The following PPA2 variants were observed in gnomAD, a reference collection of about 807,000 sequenced individuals.
PPA2 encodes the protein inorganic pyrophosphatase 2, also known as inorganic pyrophosphatase 2, mitochondrial.
Under a neutral mutation model 49.5 loss-of-function variants are expected in PPA2, and 48 were observed. The observed-to-expected ratio is 0.97, with a 90% CI of 0.77 to 1.23. PPA2 has a LOEUF of 1.23. Among genes scored for constraint, PPA2 ranks in the 50% most tolerant of loss-of-function variants. The probability of loss-of-function intolerance (pLI) is 0.00; values close to 1 mark genes in which losing one functional copy is unlikely to be tolerated. For missense variants in PPA2, 429 were observed against 410.1 expected (o/e 1.05, Z -0.40); for synonymous variants, 131 against 139.9 (o/e 0.94, Z 0.45).
intron 1 of PPA2, among the ~76,000 whole-genome samples, chr4:105,457,252 G>A (rs1722910954): frequency 6.6e-6 from 1 of 152,110 alleles, no homozygotes; most frequent in Non-Finnish European, 1.5e-5. Context: ...ACTAAGGTAA[G>A]CTTAGAACAA....
chr4:105,385,588 G>C (rs1473373448), intron 10 of PPA2, among the ~76,000 whole-genome samples: 1 of 151,986 alleles, frequency 6.6e-6, no homozygotes, highest in Non-Finnish European at 1.5e-5. Context: ...TTATAAATGA[G>C]ATTTCTAGCC....
intron 7 of PPA2, among the ~76,000 whole-genome samples, chr4:105,413,759 C>G (rs891946969): frequency 2.0e-5 from 3 of 151,912 alleles, no homozygotes; most frequent in African/African-American, 7.3e-5. Flanking sequence ...ATTCAAGACT[C>G]GATTGTAAAG....
chr4:105,416,564 T>C (rs953019527), intron 7 of PPA2, among the ~76,000 whole-genome samples: 13 of 152,232 alleles, frequency 8.5e-5, no homozygotes, highest in African/African-American at 3.1e-4. Context: ...AAAGAAACTC[T>C]GTGGGAAGCA....
At chr4:105,392,287 T>A (rs1001827211) in intron 9 of PPA2, among the ~76,000 whole-genome samples, 1 of 151,636 alleles carries the variant, frequency 6.6e-6, no homozygotes. Flanking sequence ...AAAAAAAACT[T>A]CGGAGAAAGA....
chr4:105,378,925 T>C (rs928786590), intron 10 of PPA2, among the ~76,000 whole-genome samples: 6 of 152,144 alleles, frequency 3.9e-5, no homozygotes, highest in African/African-American at 1.4e-4. Flanking sequence ...TAAAAAGCCT[T>C]GAAATCAGGA....
chr4:105,396,544 C>A (rs1218360654), intron 8 of PPA2, among the ~76,000 whole-genome samples: 1 of 152,132 alleles, frequency 6.6e-6, no homozygotes, highest in African/African-American at 2.4e-5. Flanking sequence ...ATTTCTTCAT[C>A]TATGAAGTAG....
At chr4:105,389,440 G>A (rs1427666086) in intron 9 of PPA2, among the ~76,000 whole-genome samples, 22 of 129,172 alleles carry the variant, frequency 1.7e-4, no homozygotes, top group Non-Finnish European at 2.3e-4. Context: ...CACTATAAAC[G>A]AAACTTAAAA....
intron 1 of PPA2, among the ~76,000 whole-genome samples, chr4:105,464,479 T>C (rs935614315): frequency 6.6e-6 from 1 of 152,082 alleles, no homozygotes; most frequent in Non-Finnish European, 1.5e-5. Context: ...AGTTAAGACT[T>C]TGGGGGACTG....
intron 1 of PPA2, among the ~76,000 whole-genome samples, chr4:105,468,630 G>A (rs1029474955): frequency 6.6e-6 from 1 of 152,150 alleles, no homozygotes; most frequent in African/African-American, 2.4e-5. Flanking sequence ...AAAAATCACT[G>A]GGAACTCTGT....
intron 1 of PPA2, among the ~76,000 whole-genome samples, chr4:105,465,273 A>G (rs1328965651): frequency 2.0e-4 from 30 of 152,078 alleles, no homozygotes; most frequent in Admixed American, 2.0e-3. Flanking sequence ...TTCAGCTTCT[A>G]TTTTTCTTCG....
chr4:105,417,321 G>C (rs1015940148), intron 7 of PPA2, among the ~76,000 whole-genome samples: 4 of 151,966 alleles, frequency 2.6e-5, no homozygotes, highest in Non-Finnish European at 4.4e-5. Flanking sequence ...ACTAACAGAA[G>C]ACAACAAGCT....
intron 6 of PPA2, among the ~76,000 whole-genome samples, chr4:105,424,722 G>C (rs960880014): frequency 5.3e-5 from 8 of 152,082 alleles, no homozygotes; most frequent in Non-Finnish European, 1.0e-4. Flanking sequence ...AACCACAGCA[G>C]AGAGAAAGGA....
At chr4:105,459,730 T>C (rs1262834396) in intron 1 of PPA2, among the ~76,000 whole-genome samples, 1 of 152,244 alleles carries the variant, frequency 6.6e-6, no homozygotes. Context: ...GTTTATTAAT[T>C]ATTCCACAAT....
chr4:105,431,453 A>G (rs1186890643), intron 6 of PPA2, among the ~76,000 whole-genome samples: 1 of 152,234 alleles, frequency 6.6e-6, no homozygotes, highest in Non-Finnish European at 1.5e-5. Context: ...AATAATGAGT[A>G]TTGGTGAGGA....
At chr4:105,417,574 T>C (rs1723070383) in intron 7 of PPA2, among the ~76,000 whole-genome samples, 1 of 149,112 alleles carries the variant, frequency 6.7e-6, no homozygotes, top group Non-Finnish European at 1.5e-5. Flanking sequence ...AAAAAAACTG[T>C]AAGAGGTCAA....
chr4:105,405,000 A>G, intron 7 of PPA2: 1 of 166,120 alleles, frequency 6.0e-6, no homozygotes, highest in Non-Finnish European at 1.2e-5. Context: ...GGAGAATGGC[A>G]TGAACCTGGG....
chr4:105,474,028 A>C lies in PPA2; in HGVS notation c.23T>G (p.Leu8Arg), dbSNP rs754626127. The C allele has an allele frequency of 4.8e-5, 76 of 1,592,544 alleles. No individual in the cohort carries two copies. Among genetic ancestry groups the C allele is most frequent in the Non-Finnish European group, 6.2e-5 (72 of 1,169,724 alleles). Reference sequence around the variant, plus strand: ...CGCAGCGGCTGGGGCACCCGTGCGCAGCAGCCGCAGCAGCGCGCTCATGGC... The same window carrying C: ...CGCAGCGGCTGGGGCACCCGTGCGCCGCAGCCGCAGCAGCGCGCTCATGGC... The part of the protein sequence containing the change: MSALLRL[L>R]RTGAPAAACL... The change falls in exon 1 of 12, where the codon CTG becomes CGG. Residue 8 changes from leucine to arginine, a missense_variant. Coordinates refer to ENST00000341695, the MANE Select transcript of PPA2 (RefSeq NM_176869.3).
At chr4:105,459,517 T>C (rs1010204008) in intron 1 of PPA2, among the ~76,000 whole-genome samples, 1 of 152,222 alleles carries the variant, frequency 6.6e-6, no homozygotes, top group Admixed American at 6.5e-5. Flanking sequence ...GGCTGTTTCT[T>C]GTAAAGTTAA....
chr4:105,380,937 T>C (rs1162615684), intron 10 of PPA2, among the ~76,000 whole-genome samples: 3 of 152,152 alleles, frequency 2.0e-5, no homozygotes, highest in African/African-American at 4.8e-5. Context: ...TAGTGAATTA[T>C]AGGCATCAAG....
Sources: gnomAD v4.1 joint callset for allele counts (sites outside exome capture counted in the v4.1 genomes callset) on GRCh38, gnomAD v4.1.1 for gene constraint, MANE v1.5 for transcripts, NCBI Gene and HGNC (gene_info 2026-07-23, HGNC 2026-07-21) for gene names.